ATG14: variants seen among roughly 807,000 people sequenced by gnomAD.
The protein encoded by ATG14 is autophagy related 14.
A neutral mutation model predicts 60.4 loss-of-function variants in ATG14; 35 were observed. That is an observed-to-expected ratio of 0.58 (90% CI 0.44 to 0.77). The LOEUF (loss-of-function observed/expected upper bound fraction) is 0.77. Ranked by LOEUF, ATG14 falls within the 30% of genes least tolerant of loss-of-function variation. The pLI, the probability that ATG14 is intolerant of heterozygous loss-of-function variation, is 0.00. For synonymous variants in ATG14, 234 were observed against 228.8 expected, an observed-to-expected ratio of 1.02 and a Z score of -0.21; for missense variants, 647 against 626.3, an observed-to-expected ratio of 1.03 and a Z score of -0.35.
At chr14:55,406,518 G>A (rs995481054) in intron 1 of ATG14, among the ~76,000 whole-genome samples, 1 of 152,198 alleles carries the variant, frequency 6.6e-6, no homozygotes, top group African/African-American at 2.4e-5. Flanking sequence ...CAGAGTTCAA[G>A]GCCTATTGAC....
rs45470002 is a variant in ATG14 at position 55,367,867 on chromosome 14, A to G, written c.*1752T>C. The G allele has an allele frequency of 0.036, 5,456 of 152,468 alleles. 128 individuals are homozygous for G. The highest frequency in any genetic ancestry group is 0.056 in the Non-Finnish European group (3,788 of 68,024). The allele number at this position is 152,468 out of a possible 1,614,324, so 9.4% of individuals were successfully genotyped here. A position where few individuals can be genotyped will look rare whatever the true frequency, so the allele number is the denominator to read the frequency against. On this transcript the variant is annotated 3_prime_UTR_variant, in exon 10 of 10. Transcript: ENST00000247178. ...AACTCCGTTCTGCAACTCTACCCAA[A>G]ACTATACAAAACACCAAATATACCA...
chr14:55,402,105 C>T (rs2140149489), intron 1 of ATG14, among the ~76,000 whole-genome samples: 1 of 152,280 alleles, frequency 6.6e-6, no homozygotes, highest in South Asian at 2.1e-4. Context: ...AGGGCATGCA[C>T]TCTATTAGGG....
chr14:55,370,593 C>T (rs1319810520), intron 9 of ATG14, among the ~76,000 whole-genome samples: 3 of 151,828 alleles, frequency 2.0e-5, no homozygotes, highest in Non-Finnish European at 4.4e-5. Flanking sequence ...TCTTTGCTGG[C>T]ACCTCAGCAC....
rs957678815 is a variant in ATG14 at position 55,367,943 on chromosome 14, AATT to A, written c.*1673_*1675del. Reference sequence around the variant, plus strand: ...GACTTGGAGGCAAAGTATCAACTACAATTATTATGATGAGAAAAGAAGCTGGGG... The same window carrying A: ...GACTTGGAGGCAAAGTATCAACTACAATTATGATGAGAAAAGAAGCTGGGG... On this transcript the variant is annotated 3_prime_UTR_variant, in exon 10 of 10. Transcript: ENST00000247178. The A allele has an allele frequency of 2.0e-5, 3 of 152,684 alleles. No individual in the cohort carries two copies. The highest frequency in any genetic ancestry group is 2.1e-4 in the South Asian group (1 of 4,824). The allele number at this position is 152,684 out of a possible 1,614,324, so 9.5% of individuals were successfully genotyped here.
rs767134827 is a variant in ATG14 at position 55,395,950 on chromosome 14, G to A, written c.317C>T (p.Thr106Ile). 7 of 1,595,204 alleles carry A rather than the reference G, an allele frequency of 4.4e-6. No homozygotes were observed. The East Asian group carries it at 1.6e-4, about 36-fold the overall frequency. ...VLKAMEGKWI[T>I]DQLRWKIMSC... ...TGTATTACAACTTACCAACTGATCT[G>A]TTATCCATTTTCCTTCCATAGCTTT... Residue 106 changes from threonine to isoleucine, a missense_variant, in exon 3 of 10, where the codon ACA (threonine) becomes ATA (isoleucine). Thr to Ile is a moderately conservative substitution (Grantham distance 89, BLOSUM62 -1). Coordinates refer to ENST00000247178, the MANE Select transcript of ATG14 (RefSeq NM_014924.5).
chr14:55,387,362 T>G (rs986753697), intron 4 of ATG14, among the ~76,000 whole-genome samples: 1 of 152,100 alleles, frequency 6.6e-6, no homozygotes, highest in Non-Finnish European at 1.5e-5. Flanking sequence ...CAGTTATCAC[T>G]CCCTAACACT....
chr14:55,410,119 T>C (rs192143060), intron 1 of ATG14, among the ~76,000 whole-genome samples: 2 of 152,248 alleles, frequency 1.3e-5, no homozygotes, highest in Non-Finnish European at 2.9e-5. Context: ...GAGATTGACA[T>C]TTACTGGGTT....
Position 55,369,746 on chromosome 14 carries a change from A to G in ATG14, c.1352T>C (p.Val451Ala). 3 of 1,614,084 alleles carry G rather than the reference A, an allele frequency of 1.9e-6. No homozygotes were observed. The highest frequency in any genetic ancestry group is 2.5e-6 in the Non-Finnish European group (3 of 1,179,982). The change falls in exon 10 of 10, where the codon GTG (valine) becomes GCG (alanine). Residue 451 changes from valine to alanine, a missense_variant. Physicochemically the swap from Val to Ala is moderately conservative, Grantham distance 64. Transcript: ENST00000247178. ...PRFCDIPSQS[V>A]EVSQSQSTQA... Reference sequence around the variant, plus strand: ...GGTGCTCTGACTCTGGGAGACTTCCACAGACTGGGAAGGGATATCACAAAA... The same window carrying G: ...GGTGCTCTGACTCTGGGAGACTTCCGCAGACTGGGAAGGGATATCACAAAA...
intron 1 of ATG14, among the ~76,000 whole-genome samples, chr14:55,400,317 T>C (rs192651508): frequency 6.6e-6 from 1 of 152,366 alleles, no homozygotes; most frequent in Admixed American, 6.5e-5. Flanking sequence ...ATTATATATA[T>C]AGTTTTTAAA....
chr14:55,371,653 A>G (rs1209687575), intron 9 of ATG14, among the ~76,000 whole-genome samples: 1 of 152,002 alleles, frequency 6.6e-6, no homozygotes, highest in African/African-American at 2.4e-5. Flanking sequence ...AAATACAAAA[A>G]ATTAGCTGGG....
chr14:55,403,446 A>G (rs1260360253), intron 1 of ATG14, among the ~76,000 whole-genome samples: 2 of 152,334 alleles, frequency 1.3e-5, no homozygotes, highest in Non-Finnish European at 2.9e-5. Flanking sequence ...AGCTTACTCT[A>G]AACTGGGACA....
intron 3 of ATG14, 168 bp from the exon 4 acceptor site, chr14:55,391,160 G>A (rs752513926): frequency 1.4e-4 from 76 of 526,324 alleles, no homozygotes; most frequent in Middle Eastern, 5.4e-4. Flanking sequence ...AGAGAACGAT[G>A]TTTTTCTAGT....
chr14:55,369,381 G>A lies in ATG14; in HGVS notation c.*238C>T, dbSNP rs1483400409. The A allele has an allele frequency of 5.7e-6, 2 of 352,940 alleles. No individual in the cohort carries two copies. The highest frequency in any genetic ancestry group is 4.1e-5 in the African/African-American group (2 of 48,316). 21.9% of individuals were successfully genotyped at this position (352,940 alleles called of 1,614,324 possible). ...ACAGGTCCTCCTTCCACCAGCACTG[G>A]TCTGGGTAGAAAGACCTTCGACCCC... is the stretch of plus-strand genomic sequence containing the variant. On this transcript the variant is annotated 3_prime_UTR_variant, in exon 10 of 10. Coordinates refer to ENST00000247178, the MANE Select transcript of ATG14 (RefSeq NM_014924.5).
intron 7 of ATG14, among the ~76,000 whole-genome samples, chr14:55,379,333 CA>C (rs1884984474): frequency 6.6e-6 from 1 of 151,652 alleles, no homozygotes; most frequent in South Asian, 2.1e-4. Flanking sequence ...CCCAGGAGTT[CA>C]AGACCAGCCT....
At chr14:55,383,584 A>C (rs1885072035) in intron 5 of ATG14, among the ~76,000 whole-genome samples, 1 of 151,436 alleles carries the variant, frequency 6.6e-6, no homozygotes, top group South Asian at 2.1e-4. Context: ...AACAACAACA[A>C]CAACAAAAAA....
In ATG14 at chr14:55,380,650, C is replaced by T. The variant is rs1332507580; in HGVS notation, c.918G>A (p.Ala306=). ...TGACCAGCTGAGTTGCATAGCACAG[C>T]GCAGCACTGATGGTGTAGGCAGGGT... The part of the protein sequence containing the change: ...QSNPAYTISA[A]LCYATQLVNI... The change falls in exon 7 of 10, where the codon GCG becomes GCA. Residue 306 remains alanine (A), a synonymous_variant. Coordinates refer to ENST00000247178, the MANE Select transcript of ATG14 (RefSeq NM_014924.5). 13 of 1,612,328 alleles carry T rather than the reference C, an allele frequency of 8.1e-6. No homozygotes were observed. The East Asian group carries it at 1.6e-4, about 19-fold the overall frequency.
At chr14:55,373,804 CA>C (rs71705938) in intron 9 of ATG14, among the ~76,000 whole-genome samples, 7,091 of 135,118 alleles carry the variant, frequency 0.052, 174 homozygotes, top group African/African-American at 0.071. Context: ...AAATTTGTTT[CA>C]AAAAAAAAAA....
chr14:55,389,638 G>C (rs558192814), intron 4 of ATG14, among the ~76,000 whole-genome samples: 71 of 152,320 alleles, frequency 4.7e-4, no homozygotes, highest in Middle Eastern at 6.8e-3. Flanking sequence ...ATGGACTGCA[G>C]CTTGCTGCCG....
chr14:55,411,061 G>C (rs908031053), intron 1 of ATG14, among the ~76,000 whole-genome samples: 6 of 152,172 alleles, frequency 3.9e-5, no homozygotes, highest in African/African-American at 1.2e-4. Context: ...AATCTTTAGA[G>C]GCAGGGAGGG....
Sources: gnomAD v4.1 joint callset for allele counts (sites outside exome capture counted in the v4.1 genomes callset) on GRCh38, gnomAD v4.1.1 for gene constraint, MANE v1.5 for transcripts, NCBI Gene and HGNC (gene_info 2026-07-23, HGNC 2026-07-21) for gene names.